HS1BP3: variants seen among roughly 807,000 people sequenced by gnomAD.
HS1BP3 encodes HCLS1-binding protein 3.
In HS1BP3, 32 loss-of-function variants were observed where a neutral mutation model predicts 33.5. That is an observed-to-expected ratio of 0.95 (90% CI 0.72 to 1.28). The LOEUF (loss-of-function observed/expected upper bound fraction) is 1.28, where lower values mean the gene tolerates loss of function less well. Ranked by LOEUF, HS1BP3 falls within the 50% of genes most tolerant of loss-of-function variation. HS1BP3 has a pLI of 0.00. For synonymous variants in HS1BP3, 187 were observed against 209.2 expected, an observed-to-expected ratio of 0.89 and a Z score of 0.92; for missense variants, 486 against 502.3, an observed-to-expected ratio of 0.97 and a Z score of 0.31.
intron 5 of HS1BP3, among the ~76,000 whole-genome samples, chr2:20,579,235 G>T (rs1337051493): frequency 2.0e-5 from 3 of 152,262 alleles, no homozygotes; most frequent in Non-Finnish European, 4.4e-5. Flanking sequence ...TTTTCCTCCA[G>T]GCTGGCTCCA....
chr2:20,556,900 A>C (rs144961743), downstream of HS1BP3, among the ~76,000 whole-genome samples: 254 of 152,262 alleles, frequency 1.7e-3, 1 homozygote, highest in South Asian at 8.5e-3. Context: ...ATCAGTGGGG[A>C]AGGTTCTGAA....
chr2:20,590,472 C>A (rs1392889067), downstream of HS1BP3, among the ~76,000 whole-genome samples: 1 of 152,214 alleles, frequency 6.6e-6, no homozygotes, highest in Non-Finnish European at 1.5e-5. Flanking sequence ...CCTGCCTCAC[C>A]CCCTCATCCC....
chr2:20,640,208 C>T (rs1274414769), intron 3 of HS1BP3: 1 of 152,290 alleles, frequency 6.6e-6, no homozygotes, highest in East Asian at 1.9e-4. Context: ...GTCCTGGGGG[C>T]ATCTGTGAGA....
At position 20,618,563 on chromosome 2, in the gene HS1BP3, G is replaced by A. The variant is rs990898857; in HGVS notation, c.*424C>T. On this transcript the variant is annotated 3_prime_UTR_variant, in exon 7 of 7. Coordinates refer to ENST00000304031, the MANE Select transcript of HS1BP3 (RefSeq NM_022460.4). ...TTCTTACTATGCGAACAGAGGCAGAGGAGGGATAGAGGCCCAGCCCCAGTT... is the reference window on the plus strand; with the variant it reads ...TTCTTACTATGCGAACAGAGGCAGAAGAGGGATAGAGGCCCAGCCCCAGTT... 2.3e-4 allele frequency: 55 copies of A among 235,784 alleles called. No homozygotes were observed. The highest frequency in any genetic ancestry group is 1.1e-3 in the African/African-American group (46 of 43,532). 14.6% of individuals were successfully genotyped at this position (235,784 alleles called of 1,614,324 possible).
intron 2 of HS1BP3, among the ~76,000 whole-genome samples, chr2:20,600,017 G>A (rs1284470637): frequency 6.6e-6 from 1 of 152,096 alleles, no homozygotes; most frequent in Non-Finnish European, 1.5e-5. Context: ...GGTCCCAGGG[G>A]GACCCCTGGG....
chr2:20,578,296 T>C (rs1004468485), intron 5 of HS1BP3, among the ~76,000 whole-genome samples: 2 of 152,188 alleles, frequency 1.3e-5, no homozygotes, highest in Non-Finnish European at 2.9e-5. Flanking sequence ...GCAGTCTTCA[T>C]AGGAGGGGAC....
downstream of HS1BP3, among the ~76,000 whole-genome samples, chr2:20,557,827 G>C (rs1353193621): frequency 6.6e-6 from 1 of 152,214 alleles, no homozygotes; most frequent in African/African-American, 2.4e-5. Context: ...CAGGTGCCAA[G>C]ATGGTGTGGG....
At chr2:20,560,248 C>T (rs1692956859), downstream of HS1BP3, among the ~76,000 whole-genome samples, 1 of 152,178 alleles carries the variant, frequency 6.6e-6, no homozygotes, top group South Asian at 2.1e-4. Context: ...GGGCTGAGGA[C>T]CAGGACATGG....
downstream of HS1BP3, chr2:20,592,568 G>C (rs1216625749): frequency 6.2e-6 from 1 of 161,976 alleles, no homozygotes; most frequent in Non-Finnish European, 1.5e-5. Flanking sequence ...TCCCAGGGCA[G>C]TCATAGCAAA....
chr2:20,596,266 A>G (rs1693940242), intron 3 of HS1BP3, among the ~76,000 whole-genome samples: 1 of 152,206 alleles, frequency 6.6e-6, no homozygotes, highest in Non-Finnish European at 1.5e-5. Context: ...GACCCCAGCT[A>G]GGATACTGCC....
At chr2:20,584,639 T>C (rs55793738) in intron 5 of HS1BP3, among the ~76,000 whole-genome samples, 11,833 of 151,726 alleles carry the variant, frequency 0.078, 634 homozygotes, top group African/African-American at 0.16. Context: ...GGCTTCTTGG[T>C]TTGGTCCGCT....
Position 20,617,913 on chromosome 2 carries a change from G to A in HS1BP3, c.*1074C>T, listed in dbSNP as rs1047176. On this transcript the variant is annotated 3_prime_UTR_variant, in exon 7 of 7. Coordinates refer to ENST00000304031, the MANE Select transcript of HS1BP3 (RefSeq NM_022460.4). ...CCTGTGTACCAGCGCTCTGGGGGTC[G>A]GGAGAAGTCTAAGGCACGGGCCCTG... The A allele has an allele frequency of 0.17, 26,001 of 152,664 alleles. 2,485 individuals are homozygous for A. The highest frequency in any genetic ancestry group is 0.21 in the Non-Finnish European group (14,450 of 68,030). The allele number at this position is 152,664 out of a possible 1,614,324, so 9.5% of individuals were successfully genotyped here.
chr2:20,610,002 A>T (rs892471066), intron 2 of HS1BP3, among the ~76,000 whole-genome samples: 6 of 152,320 alleles, frequency 3.9e-5, no homozygotes, highest in South Asian at 2.1e-4. Flanking sequence ...GGCAGCAGGC[A>T]TCTTCTACTT....
chr2:20,559,708 GTGGATGGA>G (rs143038030), downstream of HS1BP3, among the ~76,000 whole-genome samples: 2,475 of 143,466 alleles, frequency 0.017, 49 homozygotes, highest in African/African-American at 0.052. Flanking sequence ...GGGTGGGTGG[GTGGATGGA>G]TGGATGGATG....
At chr2:20,564,645 G>C (rs371400119) in intron 5 of HS1BP3, among the ~76,000 whole-genome samples, 1 of 152,186 alleles carries the variant, frequency 6.6e-6, no homozygotes, top group East Asian at 1.9e-4. Context: ...CACCATGCCT[G>C]GGTAAGTTTC....
At chr2:20,615,605 A>T (rs1283434231), downstream of HS1BP3, among the ~76,000 whole-genome samples, 1 of 152,206 alleles carries the variant, frequency 6.6e-6, no homozygotes, top group East Asian at 1.9e-4. Context: ...CTATGTGGGG[A>T]CATGCTGGTA....
chr2:20,570,839 G>A (rs1693248639), intron 5 of HS1BP3, among the ~76,000 whole-genome samples: 1 of 152,184 alleles, frequency 6.6e-6, no homozygotes, highest in South Asian at 2.1e-4. Flanking sequence ...AGGGCAGCAG[G>A]GTCTGTTGCA....
intron 2 of HS1BP3, among the ~76,000 whole-genome samples, chr2:20,609,319 T>C (rs1694267855): frequency 2.0e-5 from 3 of 152,276 alleles, no homozygotes; most frequent in East Asian, 1.9e-4. Context: ...CAAAGGACCA[T>C]GCACTCCCCA....
intron 1 of HS1BP3, among the ~76,000 whole-genome samples, chr2:20,645,862 C>T (rs1245689512): frequency 1.3e-5 from 2 of 152,222 alleles, no homozygotes; most frequent in African/African-American, 4.8e-5. Flanking sequence ...AGGAACATGC[C>T]TGGGGCTGCA....
Sources: gnomAD v4.1 joint callset for allele counts (sites outside exome capture counted in the v4.1 genomes callset) on GRCh38, gnomAD v4.1.1 for gene constraint, MANE v1.5 for transcripts, NCBI Gene and HGNC (gene_info 2026-07-23, HGNC 2026-07-21) for gene names.